The following PPIH variants were observed in gnomAD, a reference collection of about 807,000 sequenced individuals.
The protein encoded by PPIH is peptidylprolyl isomerase H, also known as peptidyl-prolyl cis-trans isomerase H.
In PPIH, 16 loss-of-function variants were observed where a neutral mutation model predicts 27.6. That is an observed-to-expected ratio of 0.58 (90% CI 0.39 to 0.88). The LOEUF (loss-of-function observed/expected upper bound fraction) is 0.88. PPIH is among the 40% of genes least tolerant of loss of function. PPIH has a pLI of 0.00. For synonymous variants in PPIH, 63 were observed against 76.1 expected, an observed-to-expected ratio of 0.83 and a Z score of 0.90; for missense variants, 155 against 224.1, an observed-to-expected ratio of 0.69 and a Z score of 1.97.
chr1:42,678,422 C>T (rs1021726872), downstream of PPIH, among the ~76,000 whole-genome samples: 22 of 152,104 alleles, frequency 1.4e-4, no homozygotes, highest in African/African-American at 4.6e-4. Flanking sequence ...CGTTTTGAGA[C>T]GGAATCTCAC....
At chr1:42,659,480 G>A (rs376730715) in intron 3 of PPIH, 42 bp from the exon 4 acceptor site, 21 of 1,614,062 alleles carry the variant, frequency 1.3e-5, no homozygotes, top group Non-Finnish European at 1.7e-5. Flanking sequence ...AAGGCCTTGT[G>A]CTACCTGCTG....
intron 8 of PPIH, among the ~76,000 whole-genome samples, chr1:42,667,114 TA>T (rs1269127869): frequency 6.6e-6 from 1 of 152,238 alleles, no homozygotes; most frequent in Non-Finnish European, 1.5e-5. Context: ...GTTGCCTATC[TA>T]ACCCTTATCC....
chr1:42,663,427 C>T lies in PPIH; in HGVS notation c.244-1436C>T, dbSNP rs139340790. On this transcript the variant is annotated intron_variant, in intron 5 of 9. Transcript: ENST00000304979. Reference sequence around the variant, plus strand: ...TCTTTTTTTTTTTTAGATGGAGTCTCGCTCTGTCGCCCAGGCTGGGGTGCA... The same window carrying T: ...TCTTTTTTTTTTTTAGATGGAGTCTTGCTCTGTCGCCCAGGCTGGGGTGCA... Among the ~76,000 whole-genome samples, 604 of 151,690 alleles carry T rather than the reference C, an allele frequency of 4.0e-3. 3 individuals are homozygous for T. The highest frequency in any genetic ancestry group is 0.014 in the African/African-American group (575 of 41,324).
chr1:42,680,848 G>A (rs1306259551), downstream of PPIH, among the ~76,000 whole-genome samples: 2 of 152,166 alleles, frequency 1.3e-5, no homozygotes, highest in Non-Finnish European at 2.9e-5. Context: ...CCATATGGTC[G>A]GCCAAGCTTA....
chr1:42,664,994 C>G, intron 6 of PPIH, 39 bp downstream of exon 6: 1 of 1,562,834 alleles, frequency 6.4e-7, no homozygotes, highest in Admixed American at 1.7e-5. Flanking sequence ...TTATAGCCAG[C>G]TGGTTCCTGG....
intron 5 of PPIH, among the ~76,000 whole-genome samples, chr1:42,662,252 G>A (rs1649077117): frequency 6.6e-6 from 1 of 152,076 alleles, no homozygotes; most frequent in Admixed American, 6.6e-5. Flanking sequence ...TCTGAAGGCC[G>A]AGTTAAAAGC....
chr1:42,658,774 C>A (rs992294151), intron 1 of PPIH, 70 bp from the exon 2 acceptor site: 17 of 1,548,946 alleles, frequency 1.1e-5, no homozygotes, highest in Non-Finnish European at 1.5e-5. Flanking sequence ...GTCAGCCCAT[C>A]ATGCCCCCTG....
At chr1:42,673,828 T>C (rs944748131) in intron 9 of PPIH, among the ~76,000 whole-genome samples, 4 of 152,242 alleles carry the variant, frequency 2.6e-5, no homozygotes, top group Non-Finnish European at 4.4e-5. Context: ...GAAGTTCAAA[T>C]AGTGATTAGC....
In PPIH at chr1:42,658,915, A is replaced by G; in HGVS notation, c.131+7A>G. The stretch of plus-strand genomic sequence containing the variant: ...AGACGGCCGAGAACTTTAGGTAAGG[A>G]CGTGCTCCAGCTCCGCTGGATTAGC... On this transcript the variant is annotated splice_region_variant and intron_variant, in intron 2 of 9. Transcript: ENST00000304979. 1 of 1,614,014 alleles carries G rather than the reference A, an allele frequency of 6.2e-7. No individual in the cohort carries two copies. The highest frequency in any genetic ancestry group is 8.5e-7 in the Non-Finnish European group (1 of 1,179,846).
chr1:42,666,569 A>G lies in PPIH; in HGVS notation c.447A>G (p.Leu149=), dbSNP rs773611846. 4 of 1,613,848 alleles carry G rather than the reference A, an allele frequency of 2.5e-6. No individual in the cohort carries two copies. In the African/African-American group the frequency reaches 5.3e-5, roughly 22 times the overall value. ...CAGGAAAAATCATCGATGGACTTCT[A>G]GTGATGAGAAAGATTGAGGTAAGTA... ...VVFGKIIDGL[L]VMRKIENVPT... The change falls in exon 8 of 10, where the codon CTA becomes CTG. Residue 149 remains leucine, a synonymous_variant. Coordinates refer to ENST00000304979, the MANE Select transcript of PPIH (RefSeq NM_006347.4).
chr1:42,660,593 C>A (rs1648953496), intron 4 of PPIH, among the ~76,000 whole-genome samples: 1 of 152,152 alleles, frequency 6.6e-6, no homozygotes, highest in Non-Finnish European at 1.5e-5. Context: ...CCACGCTCGG[C>A]TAATTTTTGT....
At chr1:42,663,693 C>T (rs1287549718) in intron 5 of PPIH, among the ~76,000 whole-genome samples, 1 of 152,202 alleles carries the variant, frequency 6.6e-6, no homozygotes, top group East Asian at 1.9e-4. Flanking sequence ...AGCCACCACA[C>T]CAGGCCAGGT....
At chr1:42,659,321 C>T (rs116527360) in intron 3 of PPIH, 70 bp downstream of exon 3, 3 of 1,614,136 alleles carry the variant, frequency 1.9e-6, no homozygotes, top group Non-Finnish European at 2.5e-6. Context: ...GTGAGGGTAT[C>T]GGTGAACCAC....
intron 8 of PPIH, 36 bp downstream of exon 8, chr1:42,666,623 T>C: frequency 3.1e-6 from 5 of 1,604,736 alleles, no homozygotes; most frequent in South Asian, 1.1e-5. Context: ...TTCTCTGCCA[T>C]TGTGGTCTGG....
chr1:42,667,558 G>A (rs935050540), intron 9 of PPIH, 118 bp downstream of exon 9: 27 of 745,946 alleles, frequency 3.6e-5, no homozygotes, highest in Non-Finnish European at 5.5e-5. Flanking sequence ...TCCGTGTATG[G>A]CCTTGGAGTA....
At chr1:42,658,600 G>C (rs576840273) in intron 1 of PPIH, 88 bp downstream of exon 1, 4 of 1,445,406 alleles carry the variant, frequency 2.8e-6, no homozygotes, top group Non-Finnish European at 3.8e-6. Context: ...GAGCGGACTC[G>C]GGAAGCCAGC....
intron 5 of PPIH, 34 bp from the exon 6 acceptor site, chr1:42,664,829 C>T: frequency 3.2e-6 from 5 of 1,565,970 alleles, no homozygotes; most frequent in Non-Finnish European, 4.4e-6. Context: ...ACCCAACACT[C>T]CAAGTCACTA....
downstream of PPIH, among the ~76,000 whole-genome samples, chr1:42,680,808 C>T (rs1269237989): frequency 6.6e-6 from 1 of 152,174 alleles, no homozygotes; most frequent in Non-Finnish European, 1.5e-5. Context: ...AGGCTGTTTT[C>T]AAGCTCCAAA....
chr1:42,667,695 T>A (rs900694733), intron 9 of PPIH, among the ~76,000 whole-genome samples: 1 of 152,212 alleles, frequency 6.6e-6, no homozygotes, highest in Admixed American at 6.5e-5. Context: ...TTCTATCACT[T>A]TGTAATGTAC....
Sources: gnomAD v4.1 joint callset for allele counts (sites outside exome capture counted in the v4.1 genomes callset) on GRCh38, gnomAD v4.1.1 for gene constraint, MANE v1.5 for transcripts, NCBI Gene and HGNC (gene_info 2026-07-23, HGNC 2026-07-21) for gene names.